Variants in MAP4K3 observed in about 807,000 individuals in gnomAD.
MAP4K3 encodes MAPK/ERK kinase kinase kinase 3.
A neutral mutation model predicts 143.5 loss-of-function variants in MAP4K3; 94 were observed. The ratio of observed to expected loss-of-function variants is 0.65; its 90% CI spans 0.55 to 0.78. The LOEUF is 0.78. Among genes scored for constraint, MAP4K3 ranks in the 30% least tolerant of loss-of-function variants. The pLI is 0.00. For synonymous variants in MAP4K3, 416 were observed against 347.2 expected, an observed-to-expected ratio of 1.20 and a Z score of -2.20; for missense variants, 1,077 against 1,068.1, an observed-to-expected ratio of 1.01 and a Z score of -0.12.
chr2:39,336,325 T>C (rs1664958185), intron 6 of MAP4K3, among the ~76,000 whole-genome samples: 1 of 151,732 alleles, frequency 6.6e-6, no homozygotes, highest in Non-Finnish European at 1.5e-5. Flanking sequence ...ATATGAAAAT[T>C]AGCCAAGCAT....
chr2:39,313,648 G>A (rs11897610), intron 13 of MAP4K3, among the ~76,000 whole-genome samples: 2,358 of 152,158 alleles, frequency 0.015, 63 homozygotes, highest in African/African-American at 0.054. Flanking sequence ...CAGTAGCTGG[G>A]ACTACAGGCA....
At chr2:39,367,662 T>G (rs749446460) in intron 2 of MAP4K3, among the ~76,000 whole-genome samples, 3 of 151,974 alleles carry the variant, frequency 2.0e-5, no homozygotes, top group Non-Finnish European at 4.4e-5. Context: ...TCCCAGATAT[T>G]TGGGGGACTG....
In MAP4K3 at chr2:39,326,501, G is replaced by A. The variant is rs561488188; in HGVS notation, c.531-224C>T. Reference sequence around the variant, plus strand: ...CTTTTGATTATACAGGCTTATAGGTGGAAGGGACTTGCCTTGCCTTGCCTC... The same window carrying A: ...CTTTTGATTATACAGGCTTATAGGTAGAAGGGACTTGCCTTGCCTTGCCTC... On this transcript the variant is annotated intron_variant, in intron 8 of 33. Coordinates refer to ENST00000263881, the MANE Select transcript of MAP4K3 (RefSeq NM_003618.4). Among the ~76,000 whole-genome samples the A allele has an allele frequency of 7.9e-5, 12 of 152,214 alleles. No individual in the cohort carries two copies. The East Asian group carries it at 2.3e-3, about 29-fold the overall frequency.
chr2:39,267,962 G>A (rs1322720418), intron 26 of MAP4K3, among the ~76,000 whole-genome samples: 1 of 152,076 alleles, frequency 6.6e-6, no homozygotes, highest in Non-Finnish European at 1.5e-5. Context: ...ATATCATTGA[G>A]AAAATGAAAA....
chr2:39,329,235 T>C (rs1026007851), intron 8 of MAP4K3, among the ~76,000 whole-genome samples: 9 of 152,196 alleles, frequency 5.9e-5, no homozygotes, highest in African/African-American at 2.2e-4. Context: ...TAATGAGATG[T>C]TTACAATAAA....
At chr2:39,280,017 G>C (rs1402519204) in intron 23 of MAP4K3, among the ~76,000 whole-genome samples, 1 of 152,118 alleles carries the variant, frequency 6.6e-6, no homozygotes, top group East Asian at 1.9e-4. Flanking sequence ...ATTTCTGGAG[G>C]AAACTAGGGT....
intron 31 of MAP4K3, among the ~76,000 whole-genome samples, chr2:39,256,536 T>C (rs1212512030): frequency 1.3e-5 from 2 of 152,222 alleles, no homozygotes; most frequent in East Asian, 1.9e-4. Context: ...ATACTTGGTA[T>C]TGTGTATTAC....
At chr2:39,383,873 A>C (rs77068870) in intron 1 of MAP4K3, among the ~76,000 whole-genome samples, 1 of 152,064 alleles carries the variant, frequency 6.6e-6, no homozygotes, top group African/African-American at 2.4e-5. Context: ...GCGAGGCAAA[A>C]GTGGGCAGAT....
chr2:39,351,476 C>A (rs188137960), intron 3 of MAP4K3, among the ~76,000 whole-genome samples: 1 of 152,248 alleles, frequency 6.6e-6, no homozygotes, highest in Admixed American at 6.5e-5. Flanking sequence ...ATGCCTACTT[C>A]TCCTGTTAGA....
chr2:39,374,630 T>C (rs1218804833), intron 2 of MAP4K3, among the ~76,000 whole-genome samples: 1 of 151,820 alleles, frequency 6.6e-6, no homozygotes, highest in Non-Finnish European at 1.5e-5. Flanking sequence ...TGCAGTAAGC[T>C]GAGATCGGGC....
chr2:39,371,095 G>T (rs1008371847), intron 2 of MAP4K3, among the ~76,000 whole-genome samples: 1 of 151,992 alleles, frequency 6.6e-6, no homozygotes, highest in Admixed American at 6.5e-5. Flanking sequence ...GAACAAACCC[G>T]TCATCTGACA....
At chr2:39,429,408 T>C (rs1003945217) in intron 1 of MAP4K3, among the ~76,000 whole-genome samples, 3 of 152,158 alleles carry the variant, frequency 2.0e-5, no homozygotes, top group African/African-American at 7.2e-5. Context: ...GAGTGACAGA[T>C]CCCACACAAT....
intron 1 of MAP4K3, among the ~76,000 whole-genome samples, chr2:39,414,644 G>C (rs1345710353): frequency 6.6e-6 from 1 of 152,142 alleles, no homozygotes; most frequent in African/African-American, 2.4e-5. Context: ...GGGAGGCCCA[G>C]GTGGGCGGAT....
At position 39,315,360 on chromosome 2, in the gene MAP4K3, T is replaced by C; in HGVS notation, c.947A>G (p.His316Arg). Residue 316 changes from histidine (H) to arginine (R), a missense_variant, in exon 13 of 34, where the codon CAC becomes CGC. His to Arg is a conservative substitution (Grantham distance 29). Coordinates refer to ENST00000263881, the MANE Select transcript of MAP4K3 (RefSeq NM_003618.4). ...EPLVAVPHRI[H>R]STSRNVREEK... ...TTCTCTCACGTTTCTACTTGTTGAG[T>C]GAATTCTATGTGGTACAGCAACAAG... 6.2e-7 allele frequency: 1 copy of C among 1,612,604 alleles called. No individual in the cohort carries two copies. Among genetic ancestry groups the C allele is most frequent in the Non-Finnish European group, 8.5e-7 (1 of 1,179,116 alleles).
intron 16 of MAP4K3, among the ~76,000 whole-genome samples, chr2:39,299,276 T>G (rs6709424): frequency 0.7 from 106,539 of 151,956 alleles, 40,920 homozygotes; most frequent in Non-Finnish European, 0.85. Flanking sequence ...CTGCATAGAT[T>G]GGTAACTTTT....
rs537901169 is a variant in MAP4K3, at chr2:39,436,644, G to A, written c.96+248C>T. On this transcript the variant is annotated intron_variant, in intron 1 of 33. Transcript: ENST00000263881. ...GTTCTGCCCTTCCCTGGAAATGCGC[G>A]CAAGAAGGGAGGTGGCAAAAATCAT... 38 of 529,962 alleles carry A rather than the reference G, an allele frequency of 7.2e-5. No homozygotes were observed. The South Asian group carries it at 7.4e-4, about 10-fold the overall frequency. 32.8% of individuals were successfully genotyped at this position (529,962 alleles called of 1,614,324 possible).
intron 16 of MAP4K3, among the ~76,000 whole-genome samples, chr2:39,298,964 CAAAAAAA>C (rs371633915): frequency 7.3e-5 from 5 of 68,508 alleles, no homozygotes; most frequent in Non-Finnish European, 1.7e-4. Flanking sequence ...CACTCTGCCT[CAAAAAAA>C]AAAAAAAAAA....
intron 1 of MAP4K3, among the ~76,000 whole-genome samples, chr2:39,403,025 T>G (rs1330217373): frequency 6.6e-6 from 1 of 152,164 alleles, no homozygotes; most frequent in Non-Finnish European, 1.5e-5. Flanking sequence ...AGCCCTATAT[T>G]TCTAAAAGAA....
At chr2:39,262,549 A>T (rs905177024) in intron 28 of MAP4K3, among the ~76,000 whole-genome samples, 4 of 152,228 alleles carry the variant, frequency 2.6e-5, no homozygotes, top group Admixed American at 1.3e-4. Flanking sequence ...GTTTAAACAC[A>T]GAAACAACGC....
Sources: gnomAD v4.1 joint callset for allele counts (sites outside exome capture counted in the v4.1 genomes callset) on GRCh38, gnomAD v4.1.1 for gene constraint, MANE v1.5 for transcripts, NCBI Gene and HGNC (gene_info 2026-07-23, HGNC 2026-07-21) for gene names.